UBE2G1: variants seen among roughly 807,000 people sequenced by gnomAD.
UBE2G1 encodes the protein ubiquitin-conjugating enzyme E2 G1.
UBE2G1 carries 5 observed loss-of-function variants against 22.7 expected under a neutral mutation model. The ratio of observed to expected loss-of-function variants is 0.22; its 90% CI spans 0.12 to 0.46. The LOEUF (loss-of-function observed/expected upper bound fraction) is 0.46, where lower values mean the gene tolerates loss of function less well. UBE2G1 is among the 20% of genes least tolerant of loss of function. The probability of loss-of-function intolerance (pLI) is 0.99; values close to 1 mark genes in which losing one functional copy is unlikely to be tolerated. For missense variants in UBE2G1, 88 were observed against 203.9 expected (o/e 0.43, Z 3.46); for synonymous variants, 74 against 67.5 (o/e 1.10, Z -0.47).
intron 1 of UBE2G1, among the ~76,000 whole-genome samples, chr17:4,346,905 C>G (rs1222186140): frequency 6.6e-6 from 1 of 151,850 alleles, no homozygotes; most frequent in African/African-American, 2.4e-5. Flanking sequence ...GTAATCCCAG[C>G]ACTTTGGGAG....
intron 1 of UBE2G1, among the ~76,000 whole-genome samples, chr17:4,330,501 G>C (rs1019591453): frequency 6.6e-6 from 1 of 152,064 alleles, no homozygotes; most frequent in African/African-American, 2.4e-5. Flanking sequence ...ACTTTGGGAG[G>C]CCAAGGTGGG....
rs750846978 is a variant in UBE2G1 at position 4,307,145 on chromosome 17, A to C, written c.47-22T>G. 3 of 1,592,038 alleles carry C rather than the reference A, an allele frequency of 1.9e-6. No homozygotes were observed. The African/African-American group carries it at 4.0e-5, about 21-fold the overall frequency. ...AGTTCTGTGGAAAAAGAAAAGTTTA[A>C]TCAATACATTTAAGCACATAATTTG... On this transcript the variant is annotated intron_variant, in intron 1 of 5. Coordinates refer to ENST00000396981, the MANE Select transcript of UBE2G1 (RefSeq NM_003342.5).
At chr17:4,333,350 C>T (rs560540567) in intron 1 of UBE2G1, among the ~76,000 whole-genome samples, 1 of 152,158 alleles carries the variant, frequency 6.6e-6, no homozygotes, top group Admixed American at 6.5e-5. Context: ...AACTTACGGG[C>T]GAAGCTGTTC....
chr17:4,301,878 C>T (rs370926831), intron 2 of UBE2G1: 57 of 498,634 alleles, frequency 1.1e-4, no homozygotes, highest in African/African-American at 1.1e-3. Flanking sequence ...TGGCTGTATT[C>T]TAAGATTGAA....
At chr17:4,295,648 TAGAAA>T (rs1487521368) in intron 3 of UBE2G1, among the ~76,000 whole-genome samples, 3 of 152,130 alleles carry the variant, frequency 2.0e-5, no homozygotes, top group South Asian at 2.1e-4. Flanking sequence ...TCAAAATAAT[TAGAAA>T]AGAAATCTCT....
chr17:4,348,586 G>T (rs1021497784), intron 1 of UBE2G1, among the ~76,000 whole-genome samples: 1 of 148,676 alleles, frequency 6.7e-6, no homozygotes, highest in African/African-American at 2.5e-5. Flanking sequence ...AGAACAGGCC[G>T]GGGGCAATGG....
chr17:4,346,601 A>G (rs1214892598), intron 1 of UBE2G1, among the ~76,000 whole-genome samples: 2 of 151,192 alleles, frequency 1.3e-5, no homozygotes, highest in African/African-American at 2.4e-5. Flanking sequence ...ATGCCCGGCT[A>G]ATTTTTGTAT....
intron 5 of UBE2G1, among the ~76,000 whole-genome samples, chr17:4,280,796 G>C (rs980132066): frequency 9.2e-5 from 14 of 151,880 alleles, no homozygotes; most frequent in Non-Finnish European, 1.9e-4. Context: ...ACTGTGCCTG[G>C]CTAATTTTTT....
intron 1 of UBE2G1, among the ~76,000 whole-genome samples, chr17:4,332,137 A>C (rs1969586066): frequency 6.6e-6 from 1 of 152,184 alleles, no homozygotes; most frequent in African/African-American, 2.4e-5. Context: ...ATACATATAC[A>C]TAATGTTGAT....
chr17:4,339,309 A>ATTTT (rs1219657452), intron 1 of UBE2G1, among the ~76,000 whole-genome samples: 1 of 142,388 alleles, frequency 7.0e-6, no homozygotes, highest in African/African-American at 2.6e-5. Context: ...GCGCTTCTCT[A>ATTTT]TTTTTTTTTT....
chr17:4,324,268 TAGTCGCATGTGGCTACTG>T, intron 1 of UBE2G1, among the ~76,000 whole-genome samples: 1 of 152,360 alleles, frequency 6.6e-6, no homozygotes, highest in Middle Eastern at 3.4e-3. Context: ...TAATAGCCAC[TAGTCGCATGTGGCTACTG>T]AGCACCTAAG....
chr17:4,363,926 G>A (rs1357487807), intron 1 of UBE2G1, among the ~76,000 whole-genome samples: 2 of 118,264 alleles, frequency 1.7e-5, no homozygotes, highest in East Asian at 4.8e-4. Context: ...CACTCCAGCT[G>A]GGCAACAGAG....
At chr17:4,318,490 A>G (rs1969401855) in intron 1 of UBE2G1, among the ~76,000 whole-genome samples, 1 of 152,200 alleles carries the variant, frequency 6.6e-6, no homozygotes, top group African/African-American at 2.4e-5. Flanking sequence ...AGCCAAAACG[A>G]AGAATAAGCA....
intron 5 of UBE2G1, among the ~76,000 whole-genome samples, chr17:4,280,933 A>G (rs941127702): frequency 7.2e-4 from 109 of 152,108 alleles, no homozygotes; most frequent in African/African-American, 2.6e-3. Flanking sequence ...GCACCTGGCC[A>G]CAAAGGGGAT....
intron 5 of UBE2G1, among the ~76,000 whole-genome samples, chr17:4,273,082 CCA>C (rs1242085341): frequency 2.6e-5 from 4 of 152,350 alleles, no homozygotes; most frequent in Admixed American, 1.3e-4. Context: ...TCCATCCCAA[CCA>C]CAGTTTCTAA....
intron 2 of UBE2G1, among the ~76,000 whole-genome samples, chr17:4,305,686 C>T (rs1330348443): frequency 2.0e-5 from 3 of 152,086 alleles, no homozygotes; most frequent in African/African-American, 4.8e-5. Flanking sequence ...GGACTACAGG[C>T]GCCCGCCACC....
chr17:4,278,631 T>C (rs1288467846), intron 5 of UBE2G1, among the ~76,000 whole-genome samples: 1 of 152,208 alleles, frequency 6.6e-6, no homozygotes, highest in African/African-American at 2.4e-5. Flanking sequence ...TTTGGTGTGA[T>C]GTATATTTAA....
chr17:4,278,211 GT>G (rs1217609310), intron 5 of UBE2G1, among the ~76,000 whole-genome samples: 4 of 152,322 alleles, frequency 2.6e-5, no homozygotes, highest in African/African-American at 7.2e-5. Flanking sequence ...AAGGAAACAG[GT>G]TTCCATGGTA....
At chr17:4,279,648 G>A (rs1384108209) in intron 5 of UBE2G1, among the ~76,000 whole-genome samples, 1 of 151,852 alleles carries the variant, frequency 6.6e-6, no homozygotes, top group East Asian at 1.9e-4. Flanking sequence ...GGTGGCTCAT[G>A]CCCGTAATCC....
Sources: gnomAD v4.1 joint callset for allele counts (sites outside exome capture counted in the v4.1 genomes callset) on GRCh38, gnomAD v4.1.1 for gene constraint, MANE v1.5 for transcripts, NCBI Gene and HGNC (gene_info 2026-07-23, HGNC 2026-07-21) for gene names.